CELF2: variants seen among roughly 807,000 people sequenced by gnomAD.
CELF2 encodes the protein CUG triplet repeat RNA-binding protein 2.
A neutral mutation model predicts 62.6 loss-of-function variants in CELF2; 8 were observed. The ratio of observed to expected loss-of-function variants is 0.13; its 90% CI spans 0.07 to 0.23. The LOEUF (loss-of-function observed/expected upper bound fraction) is 0.23, where lower values mean the gene tolerates loss of function less well. Among genes scored for constraint, CELF2 ranks in the 10% least tolerant of loss-of-function variants. The pLI, the probability that CELF2 is intolerant of heterozygous loss-of-function variation, is 1.00. For missense variants in CELF2, 333 were observed against 671.0 expected (o/e 0.50, Z 5.56); for synonymous variants, 258 against 250.0 (o/e 1.03, Z -0.30).
chr10:10,528,475 T>A, the CELF2 span, among the ~76,000 whole-genome samples: 1 of 152,216 alleles, frequency 6.6e-6, no homozygotes, highest in Non-Finnish European at 1.5e-5. Context: ...AGAGAACTGC[T>A]TCTTGAACCT....
At chr10:11,080,310 C>T (rs1490735369) in intron 1 of CELF2, among the ~76,000 whole-genome samples, 1 of 148,184 alleles carries the variant, frequency 6.7e-6, no homozygotes, top group Non-Finnish European at 1.5e-5. Flanking sequence ...AAGTCTTTTA[C>T]AGTCATGAAT....
the CELF2 span, among the ~76,000 whole-genome samples, chr10:10,618,242 C>T: frequency 2.8e-4 from 42 of 152,192 alleles, no homozygotes; most frequent in East Asian, 7.3e-3. Flanking sequence ...TTTTGGCTCC[C>T]TGACCTCTTA....
the CELF2 span, among the ~76,000 whole-genome samples, chr10:10,705,886 G>A: frequency 6.6e-6 from 1 of 152,110 alleles, no homozygotes; most frequent in African/African-American, 2.4e-5. Context: ...GTTGCCCATT[G>A]CTCTCTAGAA....
intron 3 of CELF2, among the ~76,000 whole-genome samples, chr10:11,240,257 T>C (rs7918949): frequency 0.43 from 65,313 of 152,078 alleles, 14,273 homozygotes; most frequent in African/African-American, 0.51. Flanking sequence ...GCAGTTAACA[T>C]AAAGCCACAT....
At chr10:10,769,846 T>A in the CELF2 span, among the ~76,000 whole-genome samples, 1 of 152,076 alleles carries the variant, frequency 6.6e-6, no homozygotes, top group Non-Finnish European at 1.5e-5. Context: ...GCAGAAAGGA[T>A]CACTTAGAAT....
chr10:10,734,148 C>CT, the CELF2 span, among the ~76,000 whole-genome samples: 1 of 152,008 alleles, frequency 6.6e-6, no homozygotes, highest in East Asian at 1.9e-4. Context: ...ATCTTGTCTT[C>CT]TTTTTTATGT....
chr10:10,546,088 TA>T, the CELF2 span, among the ~76,000 whole-genome samples: 5 of 151,996 alleles, frequency 3.3e-5, no homozygotes, highest in East Asian at 1.9e-4. Flanking sequence ...GACAAGCACT[TA>T]AAAAAAATTA....
Position 11,330,256 on chromosome 10 carries a change from C to T in CELF2, c.*1203C>T, listed in dbSNP as rs532729185. The T allele has an allele frequency of 3.9e-5, 6 of 152,740 alleles. No homozygotes were observed. The highest frequency in any genetic ancestry group is 1.9e-4 in the East Asian group (1 of 5,190). The allele number at this position is 152,740 out of a possible 1,614,324, so 9.5% of individuals were successfully genotyped here. On this transcript the variant is annotated 3_prime_UTR_variant, in exon 13 of 13. Transcript: ENST00000633077. This position sits in a 1 kb window ranked among gnomAD's most constrained non-coding sequence, Gnocchi z 4.5. ...AAAACACCCGGAATCCATCCCGTTT[C>T]GCTCTCTCCAGATGGATTCTCTTGG...
chr10:11,082,021 G>C (rs947875807), intron 1 of CELF2, among the ~76,000 whole-genome samples: 9 of 152,098 alleles, frequency 5.9e-5, no homozygotes, highest in Admixed American at 3.3e-4. Context: ...CTGTCACTTT[G>C]GCCAGTTTAT....
intron 1 of CELF2, among the ~76,000 whole-genome samples, chr10:10,839,232 G>A (rs1458113198): frequency 4.6e-5 from 7 of 152,152 alleles, no homozygotes; most frequent in African/African-American, 1.7e-4. Flanking sequence ...GGCCCTCTCA[G>A]CTGACAGAGC....
the CELF2 span, among the ~76,000 whole-genome samples, chr10:10,686,785 C>G: frequency 2.0e-5 from 3 of 152,170 alleles, no homozygotes; most frequent in Non-Finnish European, 4.4e-5. Flanking sequence ...TACCCAGTCT[C>G]AGATGTGTCT....
intron 2 of CELF2, among the ~76,000 whole-genome samples, chr10:11,193,989 T>C (rs1019337231): frequency 6.6e-6 from 1 of 152,198 alleles, no homozygotes; most frequent in African/African-American, 2.4e-5. Context: ...GGACAAGACT[T>C]ACAGTGTTGA....
chr10:10,804,759 G>C (rs139345994), intron 1 of CELF2, among the ~76,000 whole-genome samples: 1 of 152,350 alleles, frequency 6.6e-6, no homozygotes, highest in Non-Finnish European at 1.5e-5. Context: ...AATGTTGTAA[G>C]TCACTGCTTG....
chr10:10,942,535 C>T (rs1337646689), intron 2 of CELF2, among the ~76,000 whole-genome samples: 5 of 152,152 alleles, frequency 3.3e-5, no homozygotes, highest in Non-Finnish European at 7.3e-5. Context: ...TTGTAAGAAA[C>T]AAGAGAGAGA....
In CELF2 at chr10:11,242,565, G is replaced by A. The variant is rs1260322377; in HGVS notation, c.355-6588G>A. 6.6e-6 allele frequency among the ~76,000 whole-genome samples: 1 copy of A among 152,238 alleles called. No individual in the cohort carries two copies. Among genetic ancestry groups the A allele is most frequent in the Admixed American group, 6.5e-5 (1 of 15,292 alleles). On this transcript the variant is annotated intron_variant, in intron 3 of 12. Coordinates refer to ENST00000633077, the MANE Select transcript of CELF2 (RefSeq NM_001326342.2). The surrounding 1 kb of genome is among the most constrained non-coding windows in gnomAD (Gnocchi z 4.8). ...ACGGCGGCACCAGGTGGTGACAGCTGTTGGCAGAGCTGTGTGCAGCGCTCT... is the reference window on the plus strand; with the variant it reads ...ACGGCGGCACCAGGTGGTGACAGCTATTGGCAGAGCTGTGTGCAGCGCTCT...
chr10:11,022,122 T>C (rs1320778685), intron 1 of CELF2, among the ~76,000 whole-genome samples: 1 of 152,218 alleles, frequency 6.6e-6, no homozygotes, highest in Non-Finnish European at 1.5e-5. Flanking sequence ...TATCACCTGA[T>C]ACTCTGATGG....
At chr10:10,511,682 C>G in the CELF2 span, among the ~76,000 whole-genome samples, 6 of 152,108 alleles carry the variant, frequency 3.9e-5, 1 homozygote, top group Middle Eastern at 0.014. Flanking sequence ...TATGAGATCT[C>G]GGGTAATTTC....
intron 2 of CELF2, among the ~76,000 whole-genome samples, chr10:10,962,463 G>A (rs140595348): frequency 5.0e-4 from 76 of 151,764 alleles, no homozygotes; most frequent in African/African-American, 1.5e-3. Flanking sequence ...TGGTTCACAC[G>A]TATAATCCCA....
the CELF2 span, among the ~76,000 whole-genome samples, chr10:10,738,090 T>G: frequency 2.6e-5 from 4 of 152,282 alleles, no homozygotes; most frequent in East Asian, 7.7e-4. Flanking sequence ...GGGGGTCCAT[T>G]TGACACTACA....
Sources: allele counts gnomAD v4.1 joint callset (sites outside exome capture counted in the v4.1 genomes callset), GRCh38; gene constraint gnomAD v4.1.1; non-coding constraint Gnocchi (gnomAD v3.1); transcripts MANE v1.5; gene names NCBI Gene and HGNC (gene_info 2026-07-23, HGNC 2026-07-21).